Variants in ZNF385D observed in about 807,000 individuals in gnomAD.
ZNF385D encodes the protein zinc finger protein 659.
A neutral mutation model predicts 35.8 loss-of-function variants in ZNF385D; 15 were observed. The ratio of observed to expected loss-of-function variants is 0.42; its 90% CI spans 0.28 to 0.64. ZNF385D has a LOEUF of 0.64. Among genes scored for constraint, ZNF385D ranks in the 30% least tolerant of loss-of-function variants. ZNF385D has a pLI of 0.23. For missense variants in ZNF385D, 474 were observed against 494.6 expected, an observed-to-expected ratio of 0.96 and a Z score of 0.39; for synonymous variants, 212 against 186.8, an observed-to-expected ratio of 1.13 and a Z score of -1.10.
chr3:21,435,629 C>T (rs1244260328), intron 5 of ZNF385D, among the ~76,000 whole-genome samples: 4 of 152,150 alleles, frequency 2.6e-5, no homozygotes. Context: ...TTGATGCTTT[C>T]TCAAAATGAA....
intron 2 of ZNF385D, among the ~76,000 whole-genome samples, chr3:21,625,292 T>C (rs1016737734): frequency 6.6e-6 from 1 of 152,042 alleles, no homozygotes; most frequent in Non-Finnish European, 1.5e-5. Context: ...GCCGTTCTCG[T>C]TGACAGTTAA....
chr3:21,615,189 T>G lies in ZNF385D; in HGVS notation c.165+49697A>C, dbSNP rs186418004. Among the ~76,000 whole-genome samples, 489 of 152,210 alleles carry G rather than the reference T, an allele frequency of 3.2e-3. 6 individuals are homozygous for G. The highest frequency in any genetic ancestry group is 0.011 in the African/African-American group (456 of 41,514). On this transcript the variant is annotated intron_variant, in intron 2 of 7. Coordinates refer to ENST00000281523, the MANE Select transcript of ZNF385D (RefSeq NM_024697.3). The stretch of plus-strand genomic sequence containing the variant: ...TGACATGGTGCCCTCACCATGGTAA[T>G]GAGCTCATATGAGACCTGGTTGTTA...
At chr3:22,130,361 A>G (rs1231245337) in intron 3 of ZNF385D, among the ~76,000 whole-genome samples, 2 of 152,066 alleles carry the variant, frequency 1.3e-5, no homozygotes, top group Non-Finnish European at 2.9e-5. Context: ...ACAGCACCAG[A>G]CCTTCCCCAG....
intron 2 of ZNF385D, among the ~76,000 whole-genome samples, chr3:22,248,433 G>A (rs1699901224): frequency 6.6e-6 from 1 of 152,120 alleles, no homozygotes; most frequent in Non-Finnish European, 1.5e-5. Flanking sequence ...TATATTCACT[G>A]CCCTTCATAA....
At chr3:21,839,075 T>C (rs565361096) in intron 3 of ZNF385D, among the ~76,000 whole-genome samples, 2 of 152,182 alleles carry the variant, frequency 1.3e-5, no homozygotes, top group East Asian at 3.9e-4. Flanking sequence ...TAGAAGATAA[T>C]CTTTGATTAA....
chr3:21,861,017 C>T (rs1467234570), intron 3 of ZNF385D, among the ~76,000 whole-genome samples: 3 of 152,198 alleles, frequency 2.0e-5, no homozygotes, highest in East Asian at 3.9e-4. Flanking sequence ...TACCTCTATA[C>T]CTTGCAATAC....
intron 3 of ZNF385D, among the ~76,000 whole-genome samples, chr3:22,131,906 C>T (rs62248883): frequency 0.16 from 23,721 of 152,160 alleles, 2,386 homozygotes; most frequent in Middle Eastern, 0.25. Context: ...TAAGAACTCA[C>T]TGGAGGCTGA....
chr3:21,471,195 C>A (rs1471651733), intron 4 of ZNF385D, among the ~76,000 whole-genome samples: 3 of 151,754 alleles, frequency 2.0e-5, no homozygotes, highest in African/African-American at 7.3e-5. Context: ...TTCACTGAAC[C>A]ATATTCCCTT....
intron 1 of ZNF385D, among the ~76,000 whole-genome samples, chr3:21,691,621 T>C (rs1038561916): frequency 1.3e-5 from 2 of 152,208 alleles, no homozygotes; most frequent in African/African-American, 4.8e-5. Flanking sequence ...AGATTGTGTG[T>C]AGCTATTTCA....
intron 3 of ZNF385D, among the ~76,000 whole-genome samples, chr3:22,005,937 A>G (rs1696171837): frequency 6.6e-6 from 1 of 152,152 alleles, no homozygotes; most frequent in African/African-American, 2.4e-5. Context: ...CACTATTCAC[A>G]GATATTTAAA....
chr3:21,726,866 G>T (rs1218998516), intron 1 of ZNF385D, among the ~76,000 whole-genome samples: 1 of 151,938 alleles, frequency 6.6e-6, no homozygotes, highest in Non-Finnish European at 1.5e-5. Flanking sequence ...ATAGCCAAGA[G>T]AATTCTAAGC....
intron 2 of ZNF385D, among the ~76,000 whole-genome samples, chr3:22,270,440 T>C (rs1404303288): frequency 2.0e-5 from 3 of 152,058 alleles, no homozygotes; most frequent in Admixed American, 2.0e-4. Flanking sequence ...ATTTTCTCAA[T>C]TATTCTTTTT....
intron 3 of ZNF385D, among the ~76,000 whole-genome samples, chr3:21,897,034 A>C (rs1699173545): frequency 6.6e-6 from 1 of 152,154 alleles, no homozygotes; most frequent in Admixed American, 6.5e-5. Flanking sequence ...AAAGGCAGTC[A>C]TGAAATAGCT....
intron 3 of ZNF385D, among the ~76,000 whole-genome samples, chr3:21,976,251 T>A (rs919532089): frequency 1.3e-5 from 2 of 152,148 alleles, no homozygotes; most frequent in Non-Finnish European, 2.9e-5. Context: ...ACATTTTTTT[T>A]AGAGATATTA....
rs189258274 is a variant in ZNF385D, at chr3:22,339,955, A to C, written c.106+32495T>G. On this transcript the variant is annotated intron_variant, in intron 2 of 5. Coordinates refer to the ZNF385D transcript ENST00000494108. ...TGTACCATTTGTTGTTTTCTCTTCC[A>C]TTTCCCACTTTCTGTGACCATTTGT... Among the ~76,000 whole-genome samples the C allele has an allele frequency of 7.2e-5, 11 of 152,114 alleles. No individual in the cohort carries two copies. The East Asian group carries it at 2.1e-3, about 29-fold the overall frequency.
At chr3:21,876,043 T>G (rs1435518990) in intron 3 of ZNF385D, among the ~76,000 whole-genome samples, 1 of 152,094 alleles carries the variant, frequency 6.6e-6, no homozygotes, top group African/African-American at 2.4e-5. Flanking sequence ...TTCATCATAG[T>G]TGGTTTGAGA....
At chr3:22,314,827 T>A (rs1301394411) in intron 2 of ZNF385D, among the ~76,000 whole-genome samples, 1 of 152,122 alleles carries the variant, frequency 6.6e-6, no homozygotes, top group Non-Finnish European at 1.5e-5. Context: ...AGGCCTGGAC[T>A]ATGTGGTTTC....
At chr3:21,667,303 A>G (rs2066437475) in intron 1 of ZNF385D, among the ~76,000 whole-genome samples, 1 of 152,092 alleles carries the variant, frequency 6.6e-6, no homozygotes, top group East Asian at 1.9e-4. Flanking sequence ...CTGGGACTAC[A>G]GGCGCATGCC....
intron 4 of ZNF385D, among the ~76,000 whole-genome samples, chr3:21,483,048 A>G (rs1482831528): frequency 6.6e-6 from 1 of 152,152 alleles, no homozygotes; most frequent in African/African-American, 2.4e-5. Context: ...ATACATTTCT[A>G]TGAAATTTTA....
Sources: gnomAD v4.1 joint callset for allele counts (sites outside exome capture counted in the v4.1 genomes callset) on GRCh38, gnomAD v4.1.1 for gene constraint, MANE v1.5 for transcripts, NCBI Gene and HGNC (gene_info 2026-07-23, HGNC 2026-07-21) for gene names.